The following NIPAL1 variants were observed in gnomAD, a reference collection of about 807,000 sequenced individuals.
NIPAL1 encodes magnesium transporter NIPA3.
A neutral mutation model predicts 37.7 loss-of-function variants in NIPAL1; 35 were observed. That is an observed-to-expected ratio of 0.93 (90% confidence interval 0.71 to 1.23). The LOEUF is 1.23. NIPAL1 is among the 50% of genes most tolerant of loss of function. NIPAL1 has a pLI of 0.00. For missense variants in NIPAL1, 412 were observed against 473.9 expected, an observed-to-expected ratio of 0.87 and a Z score of 1.21; for synonymous variants, 162 against 183.0, an observed-to-expected ratio of 0.89 and a Z score of 0.93.
At position 48,035,838 on chromosome 4, in the gene NIPAL1, C is replaced by T. The variant is rs955122180; in HGVS notation, c.899C>T (p.Thr300Ile). Residue 300 changes from threonine (T) to isoleucine (I), a missense_variant, in exon 6 of 6, where the codon ACC (threonine) becomes ATC (isoleucine). Coordinates refer to ENST00000295461, the MANE Select transcript of NIPAL1 (RefSeq NM_207330.3). ...QINYLNKALD[T>I]FNTSLVTPIY... ...AACTATCTCAACAAGGCACTGGACA[C>T]CTTTAATACCTCTCTTGTGACACCC... 1 of 1,613,986 alleles carries T rather than the reference C, an allele frequency of 6.2e-7. No individual in the cohort carries two copies.
At position 48,033,102 on chromosome 4, in the gene NIPAL1, A is replaced by G. The variant is rs1347868470; in HGVS notation, c.461+19A>G. 7 of 1,510,588 alleles carry G rather than the reference A, an allele frequency of 4.6e-6. No individual in the cohort carries two copies. The South Asian group carries it at 8.0e-5, about 17-fold the overall frequency. The allele number at this position is 1,510,588 out of a possible 1,614,324, so 93.6% of individuals were successfully genotyped here. On this transcript the variant is annotated intron_variant, in intron 4 of 5. Coordinates refer to ENST00000295461, the MANE Select transcript of NIPAL1 (RefSeq NM_207330.3). ...TCATAAGGTATGTGAGCAACAGGGA[A>G]CTTGGCTTCTGTAGGTATTTTAAGA...
chr4:48,029,842 G>A (rs1021454241), intron 2 of NIPAL1, among the ~76,000 whole-genome samples: 14 of 152,040 alleles, frequency 9.2e-5, no homozygotes, highest in South Asian at 2.1e-4. Flanking sequence ...AGGTAAATGC[G>A]TAGGGAGGTT....
At position 48,025,261 on chromosome 4, in the gene NIPAL1, T is replaced by C. The variant is rs1715662854; in HGVS notation, c.240T>C (p.Ile80=). ...VGLVLAVSSS[I]FIGSSFILKK... ...TGGTACTGGCAGTAAGCTCAAGTAT[T>C]TTTATTGGCTCCAGCTTCATACTGA... The change falls in exon 2 of 6, where the codon ATT becomes ATC. Residue 80 remains isoleucine (I), a synonymous_variant. Transcript: ENST00000295461. The C allele has an allele frequency of 1.2e-6, 2 of 1,614,178 alleles. No individual in the cohort carries two copies. The highest frequency in any genetic ancestry group is 4.5e-5 in the East Asian group (2 of 44,890).
rs373420415 is a variant in NIPAL1, at chr4:48,035,643, A to T, written c.704A>T (p.Asn235Ile). 1.2e-6 allele frequency: 2 copies of T among 1,613,788 alleles called. No individual in the cohort carries two copies. The highest frequency in any genetic ancestry group is 1.7e-6 in the Non-Finnish European group (2 of 1,179,926). The change falls in exon 6 of 6, where the codon AAT (asparagine) becomes ATT (isoleucine). Residue 235 changes from asparagine (N) to isoleucine (I), a missense_variant. By Grantham distance (149) the Asn-to-Ile change is moderately radical. Transcript: ENST00000295461. Reference sequence around the variant, plus strand: ...GTGGCTCCCAAGAAAGGACAGACCAATATATTGGTTTATATTTCAATCTGT... The same window carrying T: ...GTGGCTCCCAAGAAAGGACAGACCATTATATTGGTTTATATTTCAATCTGT... ...LIVAPKKGQT[N>I]ILVYISICSL...
Position 48,035,775 on chromosome 4 carries a change from T to G in NIPAL1, c.836T>G (p.Leu279Trp), listed in dbSNP as rs1295553946. The G allele has an allele frequency of 6.2e-7, 1 of 1,614,112 alleles. No individual in the cohort carries two copies. The highest frequency in any genetic ancestry group is 1.3e-5 in the African/African-American group (1 of 74,952). The change falls in exon 6 of 6, where the codon TTG becomes TGG. Residue 279 changes from leucine (L) to tryptophan (W), a missense_variant. Physicochemically the swap from Leu to Trp is moderately conservative, Grantham distance 61. Transcript: ENST00000295461. ...PVYKHPLVFVLLAVLVLSVTT... is the reference protein window; with the variant it reads ...PVYKHPLVFVWLAVLVLSVTT... Reference sequence around the variant, plus strand: ...TACAAACATCCGCTGGTCTTTGTTTTGCTGGCTGTACTTGTGCTTTCAGTA... The same window carrying G: ...TACAAACATCCGCTGGTCTTTGTTTGGCTGGCTGTACTTGTGCTTTCAGTA...
chr4:48,016,904 C>A lies in NIPAL1; in HGVS notation c.46+19C>A. On this transcript the variant is annotated intron_variant, in intron 1 of 5. Transcript: ENST00000295461. ...CGAGAAGGTTTGTGTCTGCCCTGAG[C>A]CGAGGGACCTGGCAGCTGGGTGGCG... The A allele has an allele frequency of 6.3e-7, 1 of 1,591,380 alleles. No homozygotes were observed. The highest frequency in any genetic ancestry group is 8.5e-7 in the Non-Finnish European group (1 of 1,170,684).
At position 48,025,118 on chromosome 4, in the gene NIPAL1, A is replaced by T. The variant is rs762736602; in HGVS notation, c.97A>T (p.Ile33Phe). 6.2e-6 allele frequency: 10 copies of T among 1,613,926 alleles called. No individual in the cohort carries two copies. Among genetic ancestry groups the T allele is most frequent in the Admixed American group, 3.3e-5 (2 of 60,002 alleles). Residue 33 changes from isoleucine (I) to phenylalanine (F), a missense_variant, in exon 2 of 6, where the codon ATC becomes TTC. By Grantham distance (21) the Ile-to-Phe change is conservative. Transcript: ENST00000295461. Reference protein sequence around the residue: ...CPNSSQAWCEITNVSQLLASP... With the variant: ...CPNSSQAWCEFTNVSQLLASP... ...AAACTCCTCCCAGGCTTGGTGTGAGATCACAAATGTGTCACAGCTGCTGGC... is the reference window on the plus strand; with the variant it reads ...AAACTCCTCCCAGGCTTGGTGTGAGTTCACAAATGTGTCACAGCTGCTGGC...
intron 3 of NIPAL1, among the ~76,000 whole-genome samples, chr4:48,030,821 C>T (rs934743658): frequency 7.2e-5 from 11 of 152,174 alleles, no homozygotes; most frequent in Admixed American, 5.9e-4. Context: ...AATCCCAAAG[C>T]GGAGGCTCCC....
At chr4:48,024,461 T>A (rs1715645032) in intron 1 of NIPAL1, among the ~76,000 whole-genome samples, 1 of 150,912 alleles carries the variant, frequency 6.6e-6, no homozygotes, top group South Asian at 2.1e-4. Flanking sequence ...CAATTTTTTT[T>A]ATGTAGATGG....
intron 4 of NIPAL1, among the ~76,000 whole-genome samples, chr4:48,034,540 A>G (rs1364537471): frequency 6.6e-6 from 1 of 152,216 alleles, no homozygotes; most frequent in East Asian, 1.9e-4. Context: ...CATATTCTAA[A>G]TGTATCATGC....
At position 48,035,885 on chromosome 4, in the gene NIPAL1, T is replaced by G. The variant is rs1274537082; in HGVS notation, c.946T>G (p.Ser316Ala). 6.2e-7 allele frequency: 1 copy of G among 1,613,812 alleles called. No homozygotes were observed. Among genetic ancestry groups the G allele is most frequent in the Non-Finnish European group, 8.5e-7 (1 of 1,179,826 alleles). The change falls in exon 6 of 6, where the codon TCC (serine) becomes GCC (alanine). Residue 316 changes from serine (S) to alanine (A), a missense_variant. By Grantham distance (99) the Ser-to-Ala change is moderately conservative (BLOSUM62 1). Coordinates refer to ENST00000295461, the MANE Select transcript of NIPAL1 (RefSeq NM_207330.3). ...VTPIYYVFFT[S>A]MVVTCSAILF... is the part of the protein sequence containing the mutation. ...ACCCATTTATTATGTATTCTTCACA[T>G]CCATGGTAGTGACTTGCTCTGCCAT...
chr4:48,023,360 G>A (rs910497907), intron 1 of NIPAL1, among the ~76,000 whole-genome samples: 1 of 152,134 alleles, frequency 6.6e-6, no homozygotes, highest in Non-Finnish European at 1.5e-5. Flanking sequence ...TAAAATTCAG[G>A]TGGCTTCATG....
chr4:48,024,975 C>A, intron 1 of NIPAL1, 93 bp from the exon 2 acceptor site: 2 of 1,085,140 alleles, frequency 1.8e-6, no homozygotes, highest in Non-Finnish European at 2.7e-6. Flanking sequence ...GTTTCAGTAC[C>A]ATCCACTCAA....
chr4:48,032,334 T>A (rs751291358), intron 3 of NIPAL1, among the ~76,000 whole-genome samples: 29 of 152,202 alleles, frequency 1.9e-4, no homozygotes, highest in Non-Finnish European at 3.2e-4. Flanking sequence ...TTGAAGGGAT[T>A]TCTCTCACTC....
At chr4:48,018,596 C>T (rs1025352647) in intron 1 of NIPAL1, among the ~76,000 whole-genome samples, 13 of 152,158 alleles carry the variant, frequency 8.5e-5, no homozygotes, top group Non-Finnish European at 1.9e-4. Flanking sequence ...AGAGTAGGTG[C>T]AGGTGGGATT....
At position 48,039,199 on chromosome 4, in the gene NIPAL1, G is replaced by A. The variant is rs1440143176; in HGVS notation, c.*3027G>A. The A allele has an allele frequency of 6.6e-6, 1 of 152,042 alleles. No homozygotes were observed. Among genetic ancestry groups the A allele is most frequent in the Admixed American group, 6.6e-5 (1 of 15,246 alleles). 9.4% of individuals were successfully genotyped at this position (152,042 alleles called of 1,614,324 possible). Reference sequence around the variant, plus strand: ...GTCTCTACTAAAAATACAAAAATTAGCCAGGCATGGTTGCGGGTGCCTATA... The same window carrying A: ...GTCTCTACTAAAAATACAAAAATTAACCAGGCATGGTTGCGGGTGCCTATA... On this transcript the variant is annotated 3_prime_UTR_variant, in exon 6 of 6. Transcript: ENST00000295461.
At chr4:48,033,384 A>T (rs1047375330) in intron 4 of NIPAL1, among the ~76,000 whole-genome samples, 8 of 152,228 alleles carry the variant, frequency 5.3e-5, no homozygotes, top group African/African-American at 1.7e-4. Context: ...AGACTGTCAC[A>T]TTATTATTTT....
intron 1 of NIPAL1, among the ~76,000 whole-genome samples, chr4:48,023,949 C>T (rs1311766569): frequency 6.6e-6 from 1 of 151,592 alleles, no homozygotes. Flanking sequence ...ACTCATACCC[C>T]ACCAAATGAG....
chr4:48,028,808 G>A (rs1416091027), intron 2 of NIPAL1, among the ~76,000 whole-genome samples: 5 of 152,002 alleles, frequency 3.3e-5, no homozygotes, highest in Non-Finnish European at 7.4e-5. Context: ...ACATATATAT[G>A]AAAAAATCCT....
Sources: gnomAD v4.1 joint callset for allele counts (sites outside exome capture counted in the v4.1 genomes callset) on GRCh38, gnomAD v4.1.1 for gene constraint, MANE v1.5 for transcripts, NCBI Gene and HGNC (gene_info 2026-07-23, HGNC 2026-07-21) for gene names.